The following MYO1B variants were observed in gnomAD, a reference collection of about 807,000 sequenced individuals.
MYO1B encodes myosin IB.
Under a neutral mutation model 159.7 loss-of-function variants are expected in MYO1B, and 72 were observed. The observed-to-expected ratio is 0.45, with a 90% CI of 0.37 to 0.55. The LOEUF (loss-of-function observed/expected upper bound fraction) is 0.55. MYO1B is among the 20% of genes least tolerant of loss of function. The pLI is 0.00. For synonymous variants in MYO1B, 468 were observed against 473.8 expected (o/e 0.99, Z 0.16); for missense variants, 1,062 against 1,364.8 (o/e 0.78, Z 3.50).
At chr2:191,322,397 A>G (rs1212605695) in intron 3 of MYO1B, among the ~76,000 whole-genome samples, 1 of 152,150 alleles carries the variant, frequency 6.6e-6, no homozygotes, top group Non-Finnish European at 1.5e-5. Flanking sequence ...TGTGTCTCCA[A>G]TACCTGGCTT....
chr2:191,305,112 T>C (rs1302614795), intron 3 of MYO1B, among the ~76,000 whole-genome samples: 1 of 152,234 alleles, frequency 6.6e-6, no homozygotes, highest in Admixed American at 6.5e-5. Context: ...ACTTCATCCC[T>C]GACAGAGAGA....
At chr2:191,261,965 A>G (rs1346115996) in intron 1 of MYO1B, among the ~76,000 whole-genome samples, 1 of 152,214 alleles carries the variant, frequency 6.6e-6, no homozygotes, top group African/African-American at 2.4e-5. Context: ...CTTAAAAAAA[A>G]ATAAGCCAAA....
intron 9 of MYO1B, among the ~76,000 whole-genome samples, chr2:191,362,610 C>T (rs1023321737): frequency 2.6e-5 from 4 of 152,130 alleles, no homozygotes; most frequent in African/African-American, 9.7e-5. Flanking sequence ...AAGGAGCTTT[C>T]TTATTCTATT....
intron 2 of MYO1B, among the ~76,000 whole-genome samples, chr2:191,291,337 T>C (rs1373216455): frequency 6.6e-6 from 1 of 152,220 alleles, no homozygotes; most frequent in Non-Finnish European, 1.5e-5. Context: ...GACTTAAGAA[T>C]GTTTGTGCAT....
intron 1 of MYO1B, among the ~76,000 whole-genome samples, chr2:191,265,193 T>TG (rs1251316252): frequency 1.3e-5 from 2 of 151,880 alleles, no homozygotes; most frequent in African/African-American, 4.8e-5. Context: ...CCCTGTTTTT[T>TG]TTTTTTTTTT....
chr2:191,247,555 A>G (rs948355409), intron 1 of MYO1B, among the ~76,000 whole-genome samples: 11 of 152,336 alleles, frequency 7.2e-5, no homozygotes, highest in East Asian at 1.9e-4. Context: ...ATGGTGTCCA[A>G]CTGTCAAGCT....
intron 4 of MYO1B, among the ~76,000 whole-genome samples, chr2:191,338,338 T>G (rs6736119): frequency 0.09 from 13,761 of 152,214 alleles, 2,034 homozygotes; most frequent in African/African-American, 0.31. Context: ...ATTCTCAAAC[T>G]ATATTTTAAA....
At chr2:191,299,399 G>T (rs11693878) in intron 3 of MYO1B, among the ~76,000 whole-genome samples, 80,459 of 151,964 alleles carry the variant, frequency 0.53, 22,045 homozygotes, top group East Asian at 0.65. Flanking sequence ...CTCCCATCTT[G>T]CTTGTTCTGT....
At chr2:191,404,835 T>A (rs1322853853) in intron 24 of MYO1B, among the ~76,000 whole-genome samples, 1 of 152,236 alleles carries the variant, frequency 6.6e-6, no homozygotes, top group Non-Finnish European at 1.5e-5. Flanking sequence ...AGTTGTAATC[T>A]TTTTGCTGGT....
intron 2 of MYO1B, among the ~76,000 whole-genome samples, chr2:191,281,861 C>G (rs1688082594): frequency 6.6e-6 from 1 of 152,018 alleles, no homozygotes; most frequent in African/African-American, 2.4e-5. Flanking sequence ...GATATAGGGG[C>G]CTGAGTTAGT....
chr2:191,411,866 A>G (rs1697269612), intron 27 of MYO1B, among the ~76,000 whole-genome samples: 1 of 152,166 alleles, frequency 6.6e-6, no homozygotes, highest in Admixed American at 6.5e-5. Context: ...TCCCATTTTC[A>G]TCTGGTGTTT....
chr2:191,300,184 A>AG (rs1689224374), intron 3 of MYO1B, among the ~76,000 whole-genome samples: 1 of 152,218 alleles, frequency 6.6e-6, no homozygotes, highest in Non-Finnish European at 1.5e-5. Context: ...TAAGGGGGTA[A>AG]GATGACCTTA....
chr2:191,409,187 T>A lies in MYO1B; in HGVS notation c.2766+9T>A, dbSNP rs771834751. 6.3e-7 allele frequency: 1 copy of A among 1,599,682 alleles called. No homozygotes were observed. Among genetic ancestry groups the A allele is most frequent in the East Asian group, 2.2e-5 (1 of 44,672 alleles). On this transcript the variant is annotated intron_variant, in intron 26 of 30. Transcript: ENST00000392318. Reference sequence around the variant, plus strand: ...TTTTCCACTTGTGGAGGGTAAAAAATGTCATATTACATCTTTTCGGAGACT... The same window carrying A: ...TTTTCCACTTGTGGAGGGTAAAAAAAGTCATATTACATCTTTTCGGAGACT...
chr2:191,268,132 T>C (rs7586476), intron 1 of MYO1B, among the ~76,000 whole-genome samples: 150,384 of 152,296 alleles, frequency 0.99, 74,274 homozygotes, highest in East Asian at 1. Flanking sequence ...TTGGTCTGAT[T>C]GAGCTGCTGT....
Position 191,390,142 on chromosome 2 carries a change from T to C in MYO1B, c.1782-150T>C, listed in dbSNP as rs147191081. The stretch of plus-strand genomic sequence containing the variant: ...TTATTTTTAGGTGGTTATAAAATGA[T>C]TTGAAATAATTTCAAAAGTAATGAC... On this transcript the variant is annotated intron_variant, in intron 17 of 30. Transcript: ENST00000392318. 2.9e-3 allele frequency: 2,017 copies of C among 697,846 alleles called. 40 individuals carry two copies. The East Asian group carries it at 0.044, about 15-fold the overall frequency. 43.2% of individuals were successfully genotyped at this position (697,846 alleles called of 1,614,324 possible). A position where few individuals can be genotyped will look rare whatever the true frequency, so the allele number is the denominator to read the frequency against.
At chr2:191,320,286 GC>G (rs1214882564) in intron 3 of MYO1B, among the ~76,000 whole-genome samples, 1 of 152,050 alleles carries the variant, frequency 6.6e-6, no homozygotes, top group East Asian at 1.9e-4. Context: ...TCCTTTGTAT[GC>G]CTCTGCCTGA....
At chr2:191,263,068 C>G (rs1686921142) in intron 1 of MYO1B, 1 of 152,132 alleles carries the variant, frequency 6.6e-6, no homozygotes, top group Non-Finnish European at 1.5e-5. Context: ...CTTTCATTGC[C>G]TGCTAAGTAC....
chr2:191,366,141 A>G (rs1693996547), intron 11 of MYO1B, among the ~76,000 whole-genome samples: 1 of 152,196 alleles, frequency 6.6e-6, no homozygotes, highest in African/African-American at 2.4e-5. Flanking sequence ...GAAGCCATGA[A>G]AAAGCCTGTG....
At chr2:191,349,376 T>C (rs1692770296) in intron 6 of MYO1B, among the ~76,000 whole-genome samples, 1 of 152,224 alleles carries the variant, frequency 6.6e-6, no homozygotes, top group African/African-American at 2.4e-5. Context: ...TTTTGAAAAT[T>C]AATGAGTTAA....
Sources: gnomAD v4.1 joint callset for allele counts (sites outside exome capture counted in the v4.1 genomes callset) on GRCh38, gnomAD v4.1.1 for gene constraint, MANE v1.5 for transcripts, NCBI Gene and HGNC (gene_info 2026-07-23, HGNC 2026-07-21) for gene names.